LIPE: variants seen among roughly 807,000 people sequenced by gnomAD.
LIPE encodes the protein hormone-sensitive lipase.
Under a neutral mutation model 88.5 loss-of-function variants are expected in LIPE, and 66 were observed. The observed-to-expected ratio is 0.75, with a 90% CI of 0.61 to 0.91. The LOEUF is 0.91. Among genes scored for constraint, LIPE ranks in the 40% least tolerant of loss-of-function variants. LIPE has a pLI of 0.00. For synonymous variants in LIPE, 570 were observed against 617.5 expected (o/e 0.92, Z 1.14); for missense variants, 1,346 against 1,434.7 (o/e 0.94, Z 1.00).
At chr19:42,404,340 C>T (rs2040099971) in intron 8 of LIPE, among the ~76,000 whole-genome samples, 1 of 151,898 alleles carries the variant, frequency 6.6e-6, no homozygotes. Context: ...AAGTGATTCT[C>T]CTGCCTCAGC....
chr19:42,409,964 C>T (rs530071424), intron 2 of LIPE, among the ~76,000 whole-genome samples: 15 of 152,236 alleles, frequency 9.9e-5, no homozygotes, highest in African/African-American at 3.4e-4. Flanking sequence ...CTCCAGATCC[C>T]TCCCTGAGGG....
Position 42,423,870 on chromosome 19 carries a change from C to A in LIPE, c.883+2397G>T, listed in dbSNP as rs908351905. 3 of 1,128,182 alleles carry A rather than the reference C, an allele frequency of 2.7e-6. No individual in the cohort carries two copies. The African/African-American group carries it at 4.9e-5, about 19-fold the overall frequency. The allele number at this position is 1,128,182 out of a possible 1,614,324, so 69.9% of individuals were successfully genotyped here. Reference sequence around the variant, plus strand: ...ACCCCAGCAGGGAAGTCCCGATCTTCCCACGTGCTGGGAAGCCTCCCATGT... The same window carrying A: ...ACCCCAGCAGGGAAGTCCCGATCTTACCACGTGCTGGGAAGCCTCCCATGT... On this transcript the variant is annotated intron_variant, in intron 1 of 9. Transcript: ENST00000244289.
At chr19:42,421,207 C>T (rs2040591852) in intron 1 of LIPE, among the ~76,000 whole-genome samples, 1 of 152,174 alleles carries the variant, frequency 6.6e-6, no homozygotes, top group Non-Finnish European at 1.5e-5. Context: ...CTACCATCCT[C>T]CTCTCTTAAA....
In LIPE at chr19:42,426,624, T is replaced by A; in HGVS notation, c.526A>T (p.Thr176Ser). 6.2e-7 allele frequency: 1 copy of A among 1,614,238 alleles called. No homozygotes were observed. The highest frequency in any genetic ancestry group is 8.5e-7 in the Non-Finnish European group (1 of 1,180,042). ...GACTGTTCAGGTGTCTCTTGGGACG[T>A]AGATTCAGTCGGGGCAGATGGCTCC... Reference protein sequence around the residue: ...KREPSAPTESTSQETPEQSDK... With the variant: ...KREPSAPTESSSQETPEQSDK... The change falls in exon 1 of 10, where the codon ACG becomes TCG. Residue 176 changes from threonine to serine, a missense_variant. Thr to Ser is a moderately conservative substitution (Grantham distance 58). Transcript: ENST00000244289.
intron 8 of LIPE, 153 bp from the exon 9 acceptor site, chr19:42,403,184 T>G: frequency 1.4e-6 from 1 of 711,730 alleles, no homozygotes; most frequent in Non-Finnish European, 2.2e-6. Flanking sequence ...GAGTTCCAGA[T>G]GCCCCAGGTG....
At chr19:42,417,433 T>A (rs970365192) in intron 1 of LIPE, among the ~76,000 whole-genome samples, 5 of 152,094 alleles carry the variant, frequency 3.3e-5, no homozygotes, top group Non-Finnish European at 1.5e-5. Flanking sequence ...TTCATTTTTT[T>A]TTTTCCAGGT....
In LIPE at chr19:42,407,421, G is replaced by T. The variant is rs745501214; in HGVS notation, c.1890C>A (p.Ser630Arg). ...SSLIKSNGQR[S>R]LELWPRPQQA... ...GCTGGGGGCGCGGCCACAGCTCCAGGCTCCGTTGGCCGTTGGACTTTATCA... is the reference window on the plus strand; with the variant it reads ...GCTGGGGGCGCGGCCACAGCTCCAGTCTCCGTTGGCCGTTGGACTTTATCA... Residue 630 changes from serine (S) to arginine (R), a missense_variant, in exon 6 of 10, where the codon AGC becomes AGA. By Grantham distance (110) the Ser-to-Arg change is moderately radical. Coordinates refer to ENST00000244289, the MANE Select transcript of LIPE (RefSeq NM_005357.4). This position sits in a 1 kb window ranked among gnomAD's most constrained non-coding sequence, Gnocchi z 5.8. 21 of 1,613,492 alleles carry T rather than the reference G, an allele frequency of 1.3e-5. No homozygotes were observed.
In LIPE at chr19:42,427,011, T is replaced by C. The variant is rs766564709; in HGVS notation, c.139A>G (p.Thr47Ala). ...TGGTTTGAAGCAGGCTTCTGTTGGGTATTGGATCCCTGCAGAGTCTTCGAT... is the reference window on the plus strand; with the variant it reads ...TGGTTTGAAGCAGGCTTCTGTTGGGCATTGGATCCCTGCAGAGTCTTCGAT... Reference protein sequence around the residue: ...PESKTLQGSNTQQKPASNQRP... With the variant: ...PESKTLQGSNAQQKPASNQRP... Residue 47 changes from threonine to alanine, a missense_variant, in exon 1 of 10, where the codon ACC (threonine) becomes GCC (alanine). Transcript: ENST00000244289. 1 of 1,613,714 alleles carries C rather than the reference T, an allele frequency of 6.2e-7. No individual in the cohort carries two copies. The highest frequency in any genetic ancestry group is 1.7e-5 in the Admixed American group (1 of 59,968).
intron 1 of LIPE, chr19:42,412,293 TA>T (rs2040398108): frequency 1.0e-6 from 1 of 985,374 alleles, no homozygotes; most frequent in Non-Finnish European, 1.2e-6. Flanking sequence ...TAGAAGAAGG[TA>T]TTTCCTTTCC....
Position 42,405,463 on chromosome 19 carries a change from G to C in LIPE, c.2464C>G (p.Leu822Val). 1 of 1,614,104 alleles carries C rather than the reference G, an allele frequency of 6.2e-7. No homozygotes were observed. The highest frequency in any genetic ancestry group is 1.1e-5 in the South Asian group (1 of 91,070). ...GAGTTGAGCCATGAGGAGGCACCCA[G>C]GCGGAAGTCTCGGAGGAGCAGGGCT... is the stretch of plus-strand genomic sequence containing the variant. The part of the protein sequence containing the change: ...DTALLLRDFR[L>V]GASSWLNSFL... The change falls in exon 8 of 10, where the codon CTG (leucine) becomes GTG (valine). Residue 822 changes from leucine (L) to valine (V), a missense_variant. Leu to Val is a conservative substitution (Grantham distance 32). Coordinates refer to ENST00000244289, the MANE Select transcript of LIPE (RefSeq NM_005357.4).
Position 42,402,797 on chromosome 19 carries a change from T to G in LIPE, c.2777A>C (p.Asn926Thr). The G allele has an allele frequency of 6.2e-7, 1 of 1,611,002 alleles. No individual in the cohort carries two copies. Among genetic ancestry groups the G allele is most frequent in the Non-Finnish European group, 8.5e-7 (1 of 1,177,714 alleles). ...EDAGEEAEAK[N>T]ELSPMDRGLG... ...GCCTCTGTCCATGGGGCTCAGCTCA[T>G]TTTTGGCCTCAGCCTCTTCCCCTGC... is the stretch of plus-strand genomic sequence containing the variant. The change falls in exon 9 of 10, where the codon AAT (asparagine) becomes ACT (threonine). Residue 926 changes from asparagine (N) to threonine (T), a missense_variant. By Grantham distance (65) the Asn-to-Thr change is moderately conservative (BLOSUM62 0). Transcript: ENST00000244289.
rs536685154 is a variant in LIPE at position 42,403,115 on chromosome 19, C to T, written c.2543-84G>A. On this transcript the variant is annotated intron_variant, in intron 8 of 9. Transcript: ENST00000244289. ...CAGGGAATGCCATGGGAAGGGCAGTCGCCTGTGGAGCGCTGTGAAAGGCTG... is the reference window on the plus strand; with the variant it reads ...CAGGGAATGCCATGGGAAGGGCAGTTGCCTGTGGAGCGCTGTGAAAGGCTG... 4.6e-5 allele frequency: 62 copies of T among 1,359,352 alleles called. 1 individual carries two copies. The Admixed American group carries it at 5.9e-4, about 13-fold the overall frequency. The allele number at this position is 1,359,352 out of a possible 1,614,324, so 84.2% of individuals were successfully genotyped here.
chr19:42,409,705 G>A (rs1301246740), intron 2 of LIPE, among the ~76,000 whole-genome samples: 2 of 152,240 alleles, frequency 1.3e-5, no homozygotes, highest in Non-Finnish European at 2.9e-5. Context: ...TGCTGGTTTG[G>A]GCAGCCCCGG....
chr19:42,411,145 T>C (rs1440046375), intron 1 of LIPE: 1 of 236,376 alleles, frequency 4.2e-6, no homozygotes, highest in East Asian at 1.8e-4. Flanking sequence ...CCCAAGCCCT[T>C]CCTCTTCAGG....
In LIPE at chr19:42,407,048, T is replaced by G; in HGVS notation, c.2137+126A>C. 2.4e-6 allele frequency: 2 copies of G among 827,196 alleles called. No homozygotes were observed. Among genetic ancestry groups the G allele is most frequent in the Non-Finnish European group, 3.7e-6 (2 of 547,222 alleles). The allele number at this position is 827,196 out of a possible 1,614,324, so 51.2% of individuals were successfully genotyped here. On this transcript the variant is annotated intron_variant, in intron 6 of 9. Coordinates refer to ENST00000244289, the MANE Select transcript of LIPE (RefSeq NM_005357.4). This position sits in a 1 kb window ranked among gnomAD's most constrained non-coding sequence, Gnocchi z 5.8. ...GGTGGAAGATTGGGCAGGACCTGGG[T>G]GAGCAGGAGCTGGGAGGTGTGGGGG...
At position 42,410,487 on chromosome 19, in the gene LIPE, C is replaced by T. The variant is rs2040340863; in HGVS notation, c.1239G>A (p.Glu413=). 1.9e-6 allele frequency: 3 copies of T among 1,613,972 alleles called. No homozygotes were observed. The highest frequency in any genetic ancestry group is 1.1e-5 in the South Asian group (1 of 91,088). ...GCTGGGTGAGGGCAGCCAGGTAGGC[C>T]TCCAGCTCGGCCAGGTTGTGGCTGG... The part of the protein sequence containing the change: ...FRTSHNLAEL[E]AYLAALTQLR... The change falls in exon 2 of 10, where the codon GAG becomes GAA. Residue 413 remains glutamate, a synonymous_variant. Transcript: ENST00000244289. This position sits in a 1 kb window ranked among gnomAD's most constrained non-coding sequence, Gnocchi z 6.1.
chr19:42,424,528 T>C (rs1165587443), intron 1 of LIPE: 5 of 456,218 alleles, frequency 1.1e-5, no homozygotes, highest in African/African-American at 1.0e-4. Context: ...CCTCAATCCC[T>C]GCCTTTGCCT....
Position 42,402,609 on chromosome 19 carries a change from C to G in LIPE, c.2965G>C (p.Val989Leu). Residue 989 changes from valine (V) to leucine (L), a missense_variant and splice_region_variant, in exon 9 of 10, where the codon GTG (valine) becomes CTG (leucine). Coordinates refer to ENST00000244289, the MANE Select transcript of LIPE (RefSeq NM_005357.4). Reference sequence around the variant, plus strand: ...TACCGGCCCCCTCTGTCGCTCACCACGATGTGCACAGGTGGCAGGCTCTTG... The same window carrying G: ...TACCGGCCCCCTCTGTCGCTCACCAGGATGTGCACAGGTGGCAGGCTCTTG... Reference protein sequence around the residue: ...MLKSLPPVHIVACALDPMLDD... With the variant: ...MLKSLPPVHILACALDPMLDD... 1 of 1,483,610 alleles carries G rather than the reference C, an allele frequency of 6.7e-7. No homozygotes were observed. Among genetic ancestry groups the G allele is most frequent in the South Asian group, 1.5e-5 (1 of 68,838 alleles). 91.9% of individuals were successfully genotyped at this position (1,483,610 alleles called of 1,614,324 possible). A position where few individuals can be genotyped will look rare whatever the true frequency, so the allele number is the denominator to read the frequency against.
At chr19:42,418,242 C>T (rs535976522) in intron 1 of LIPE, among the ~76,000 whole-genome samples, 1 of 152,202 alleles carries the variant, frequency 6.6e-6, no homozygotes, top group East Asian at 1.9e-4. Flanking sequence ...CTCGGCCTCC[C>T]AAAGTGCTGG....
Sources: allele counts gnomAD v4.1 joint callset (sites outside exome capture counted in the v4.1 genomes callset), GRCh38; gene constraint gnomAD v4.1.1; non-coding constraint Gnocchi (gnomAD v3.1); transcripts MANE v1.5; gene names NCBI Gene and HGNC (gene_info 2026-07-23, HGNC 2026-07-21).